Variants in NUDT3 observed in about 807,000 individuals in gnomAD.
NUDT3 encodes diphosphoinositol polyphosphate phosphohydrolase 1.
In NUDT3, 9 loss-of-function variants were observed where a neutral mutation model predicts 23.6. The ratio of observed to expected loss-of-function variants is 0.38; its 90% CI spans 0.23 to 0.66. NUDT3 has a LOEUF of 0.66. NUDT3 is among the 30% of genes least tolerant of loss of function. The pLI is 0.52. For missense variants in NUDT3, 172 were observed against 218.5 expected, an observed-to-expected ratio of 0.79 and a Z score of 1.34; for synonymous variants, 86 against 82.6, an observed-to-expected ratio of 1.04 and a Z score of -0.22.
chr6:34,344,465 G>C (rs968737924), intron 1 of NUDT3, among the ~76,000 whole-genome samples: 6 of 152,166 alleles, frequency 3.9e-5, no homozygotes, highest in African/African-American at 1.4e-4. Context: ...ATGATTCCAT[G>C]AATATGAAAT....
At chr6:34,326,635 C>G (rs182088905) in intron 2 of NUDT3, among the ~76,000 whole-genome samples, 1 of 151,294 alleles carries the variant, frequency 6.6e-6, no homozygotes, top group East Asian at 1.9e-4. Flanking sequence ...GAGTCTTGCT[C>G]TGCTGCCCAG....
chr6:34,307,779 A>G (rs1763704096), intron 2 of NUDT3, among the ~76,000 whole-genome samples: 1 of 152,112 alleles, frequency 6.6e-6, no homozygotes. Flanking sequence ...AACATGGGAG[A>G]TATTAATCCA....
At chr6:34,351,226 A>C (rs395415) in intron 1 of NUDT3, among the ~76,000 whole-genome samples, 2,063 of 134,050 alleles carry the variant, frequency 0.015, 227 homozygotes, top group African/African-American at 0.059. Context: ...AAAAAAAAAA[A>C]CACTTTGGGA....
intron 2 of NUDT3, among the ~76,000 whole-genome samples, chr6:34,328,911 A>C (rs1764083624): frequency 6.6e-6 from 1 of 152,218 alleles, no homozygotes; most frequent in Non-Finnish European, 1.5e-5. Flanking sequence ...AAATCCTATG[A>C]TAGCCTACAC....
At chr6:34,331,034 T>C (rs1187820459) in intron 2 of NUDT3, among the ~76,000 whole-genome samples, 1 of 152,138 alleles carries the variant, frequency 6.6e-6, no homozygotes, top group East Asian at 1.9e-4. Context: ...TTTGTACTTT[T>C]AGTAGAGATG....
At chr6:34,351,197 C>CT (rs1554154766) in intron 1 of NUDT3, among the ~76,000 whole-genome samples, 3 of 10,986 alleles carry the variant, frequency 2.7e-4, no homozygotes, top group Non-Finnish European at 3.5e-4. Flanking sequence ...ACTCCCCTGC[C>CT]TAAAAAAAAA....
intron 1 of NUDT3, among the ~76,000 whole-genome samples, chr6:34,348,457 GAGT>G (rs1382555802): frequency 4.6e-5 from 7 of 152,028 alleles, no homozygotes; most frequent in African/African-American, 1.7e-4. Context: ...ACTCCAGCCT[GAGT>G]GACAGAGCAA....
chr6:34,321,446 T>G (rs1003619645), intron 2 of NUDT3, among the ~76,000 whole-genome samples: 1 of 151,696 alleles, frequency 6.6e-6, no homozygotes, highest in Non-Finnish European at 1.5e-5. Context: ...TCAAAAATAA[T>G]AATAATAATA....
intron 2 of NUDT3, among the ~76,000 whole-genome samples, chr6:34,298,660 G>A (rs1014680382): frequency 2.7e-5 from 4 of 147,874 alleles, no homozygotes; most frequent in South Asian, 2.2e-4. Flanking sequence ...TTGCCCAGCC[G>A]GCCTCAAACT....
intron 1 of NUDT3, among the ~76,000 whole-genome samples, chr6:34,367,238 T>C (rs533705332): frequency 1.4e-4 from 21 of 152,046 alleles, no homozygotes; most frequent in African/African-American, 4.1e-4. Context: ...TACCAGCACT[T>C]TGGGAGGCTG....
At chr6:34,320,414 G>A (rs1464723186) in intron 2 of NUDT3, among the ~76,000 whole-genome samples, 1 of 152,068 alleles carries the variant, frequency 6.6e-6, no homozygotes, top group Non-Finnish European at 1.5e-5. Flanking sequence ...TTTAGAGATA[G>A]GGTTTCACCA....
chr6:34,329,536 C>A (rs1054392605), intron 2 of NUDT3, among the ~76,000 whole-genome samples: 7 of 152,152 alleles, frequency 4.6e-5, no homozygotes, highest in Non-Finnish European at 8.8e-5. Flanking sequence ...CTGCCTTGGC[C>A]TCCCAAAGTG....
chr6:34,374,599 A>C (rs1436253817), intron 1 of NUDT3, among the ~76,000 whole-genome samples: 1 of 151,266 alleles, frequency 6.6e-6, no homozygotes, highest in Non-Finnish European at 1.5e-5. Flanking sequence ...ATCCTTCAAC[A>C]CTCAGATCTA....
At chr6:34,370,533 A>G (rs558252529) in intron 1 of NUDT3, among the ~76,000 whole-genome samples, 4 of 152,318 alleles carry the variant, frequency 2.6e-5, no homozygotes, top group Admixed American at 6.5e-5. Context: ...TTTAGCGAAA[A>G]GAGGGTTCAG....
rs1479085692 is a variant in NUDT3, at chr6:34,285,074, A to G, written c.*3679T>C. 3 of 151,970 alleles carry G rather than the reference A, an allele frequency of 2.0e-5. No homozygotes were observed. The highest frequency in any genetic ancestry group is 7.3e-5 in the African/African-American group (3 of 41,326). The allele number at this position is 151,970 out of a possible 1,614,324, so 9.4% of individuals were successfully genotyped here. The stretch of plus-strand genomic sequence containing the variant: ...CTTCTGCAGCCTGAGAGGGGGTGAT[A>G]CTCCCACACCCTTTGATCCTTCCAG... On this transcript the variant is annotated 3_prime_UTR_variant, in exon 5 of 5. Coordinates refer to ENST00000607016, the MANE Select transcript of NUDT3 (RefSeq NM_006703.4).
At chr6:34,331,442 T>C (rs1343234831) in intron 2 of NUDT3, among the ~76,000 whole-genome samples, 1 of 152,212 alleles carries the variant, frequency 6.6e-6, no homozygotes, top group East Asian at 1.9e-4. Context: ...TACTAACTTG[T>C]ACAAAAACTT....
chr6:34,376,420 A>C (rs1764923752), intron 1 of NUDT3, among the ~76,000 whole-genome samples: 1 of 152,108 alleles, frequency 6.6e-6, no homozygotes, highest in Non-Finnish European at 1.5e-5. Context: ...CTGGGACTAC[A>C]GGCATGCACC....
chr6:34,328,882 T>C (rs908275795), intron 2 of NUDT3, among the ~76,000 whole-genome samples: 2 of 152,230 alleles, frequency 1.3e-5, no homozygotes, highest in Non-Finnish European at 2.9e-5. Context: ...GTTTTAAAAA[T>C]GCATGTTATT....
chr6:34,389,235 G>C (rs1188371951), intron 1 of NUDT3, among the ~76,000 whole-genome samples: 2 of 152,146 alleles, frequency 1.3e-5, no homozygotes, highest in African/African-American at 2.4e-5. Context: ...TCCCCCATGC[G>C]GTTCTCATGC....
Sources: allele counts gnomAD v4.1 joint callset (sites outside exome capture counted in the v4.1 genomes callset), GRCh38; gene constraint gnomAD v4.1.1; transcripts MANE v1.5; gene names NCBI Gene and HGNC (gene_info 2026-07-23, HGNC 2026-07-21).